GPT2: variants seen among roughly 807,000 people sequenced by gnomAD.
The protein encoded by GPT2 is glutamic--pyruvic transaminase 2, also known as alanine aminotransferase 2.
In GPT2, 30 loss-of-function variants were observed where a neutral mutation model predicts 56.9. That is an observed-to-expected ratio of 0.53 (90% CI 0.39 to 0.72). The LOEUF is 0.72. Ranked by LOEUF, GPT2 falls within the 30% of genes least tolerant of loss-of-function variation. GPT2 has a pLI of 0.00. For synonymous variants in GPT2, 271 were observed against 283.1 expected (o/e 0.96, Z 0.43); for missense variants, 542 against 703.4 (o/e 0.77, Z 2.60).
chr16:46,903,856 G>A (rs1207331161), intron 4 of GPT2, among the ~76,000 whole-genome samples: 11 of 152,288 alleles, frequency 7.2e-5, no homozygotes, highest in Non-Finnish European at 1.0e-4. Context: ...GAATATATAC[G>A]AATGTGTAAT....
chr16:46,923,836 T>C, intron 9 of GPT2: 1 of 202,582 alleles, frequency 4.9e-6, no homozygotes, highest in South Asian at 9.5e-5. Flanking sequence ...TGCAGAAGAA[T>C]GGGCATGTGT....
Position 46,897,699 on chromosome 16 carries a change from CAG to C in GPT2, c.296_297del (p.Gln99ArgfsTer33). On this transcript the variant is annotated frameshift_variant, in exon 3 of 12. Coordinates refer to ENST00000340124, the MANE Select transcript of GPT2 (RefSeq NM_133443.4). LOFTEE classifies it high-confidence loss of function. ...CATCCGAGCCAACATCGGGGACGCC[CAG>C]GCTATGGGGCAGCAGCCAATCACCT... ...EVIRANIGDA[Q>X]AMGQQPITFL... The C allele has an allele frequency of 6.2e-7, 1 of 1,614,142 alleles. No homozygotes were observed. The highest frequency in any genetic ancestry group is 8.5e-7 in the Non-Finnish European group (1 of 1,179,976).
intron 2 of GPT2, among the ~76,000 whole-genome samples, chr16:46,894,363 C>G (rs1019545641): frequency 6.6e-6 from 1 of 152,222 alleles, no homozygotes; most frequent in Non-Finnish European, 1.5e-5. Flanking sequence ...GTATCCACAT[C>G]CCAGAAATCA....
intron 4 of GPT2, 89 bp from the exon 5 acceptor site, chr16:46,906,753 C>T (rs1960938135): frequency 1.3e-6 from 2 of 1,537,718 alleles, no homozygotes; most frequent in Non-Finnish European, 1.8e-6. Context: ...CCCAAACAGG[C>T]ATCCCTCTAA....
At chr16:46,917,860 G>A (rs1400413553) in intron 7 of GPT2, among the ~76,000 whole-genome samples, 1 of 152,156 alleles carries the variant, frequency 6.6e-6, no homozygotes, top group Non-Finnish European at 1.5e-5. Context: ...GAGAGAAAGG[G>A]CAGCAGAGAG....
At position 46,908,318 on chromosome 16, in the gene GPT2, C is replaced by T. The variant is rs141937527; in HGVS notation, c.576+1343C>T. Among the ~76,000 whole-genome samples the T allele has an allele frequency of 9.1e-3, 1,373 of 151,186 alleles. 12 individuals carry two copies. The highest frequency in any genetic ancestry group is 0.015 in the Non-Finnish European group (987 of 67,758). ...TGGGGGACTGGTGGGGCCTGCAGTC[C>T]TGAGCTTGGGAGACTGATGGAGCCT... On this transcript the variant is annotated intron_variant, in intron 5 of 11. Transcript: ENST00000340124.
intron 6 of GPT2, chr16:46,916,388 C>A: frequency 2.2e-6 from 1 of 445,706 alleles, no homozygotes; most frequent in Non-Finnish European, 4.1e-6. Context: ...AGGTGAGAAC[C>A]CCTTCTCCCT....
intron 5 of GPT2, among the ~76,000 whole-genome samples, chr16:46,909,185 G>A (rs889464884): frequency 6.6e-6 from 1 of 152,150 alleles, no homozygotes; most frequent in Non-Finnish European, 1.5e-5. Flanking sequence ...CTGACATAGG[G>A]AATCAGGATT....
At chr16:46,886,986 G>T (rs2143318320) in intron 2 of GPT2, among the ~76,000 whole-genome samples, 1 of 152,316 alleles carries the variant, frequency 6.6e-6, no homozygotes, top group South Asian at 2.1e-4. Context: ...GTGCTGGCCA[G>T]ACCAGCTTAG....
chr16:46,898,971 CACACATATATATATATATATA>C (rs1314693156), intron 3 of GPT2, among the ~76,000 whole-genome samples: 1 of 9,620 alleles, frequency 1.0e-4, no homozygotes, highest in African/African-American at 2.0e-4. Flanking sequence ...TATATACACA[CACACATATATATATATATATA>C]ACACACATAT....
rs1463033457 is a variant in GPT2, at chr16:46,929,804, TC to T, written c.*809del. The T allele has an allele frequency of 1.3e-5, 2 of 152,470 alleles. No homozygotes were observed. The highest frequency in any genetic ancestry group is 1.9e-4 in the East Asian group (1 of 5,186). 9.4% of individuals were successfully genotyped at this position (152,470 alleles called of 1,614,324 possible). A position where few individuals can be genotyped will look rare whatever the true frequency, so the allele number is the denominator to read the frequency against. On this transcript the variant is annotated 3_prime_UTR_variant, in exon 12 of 12. Coordinates refer to ENST00000340124, the MANE Select transcript of GPT2 (RefSeq NM_133443.4). ...TAGTGCAGCCCGGCAGTGTCCCACTTCCGTGGAGAGAGCCGCTGGAATGGTG... is the reference window on the plus strand; with the variant it reads ...TAGTGCAGCCCGGCAGTGTCCCACTTCGTGGAGAGAGCCGCTGGAATGGTG...
intron 6 of GPT2, chr16:46,915,733 CCACACA>C (rs1000084863): frequency 6.7e-6 from 1 of 148,516 alleles, no homozygotes; most frequent in Non-Finnish European, 1.5e-5. Context: ...CCCACCACAC[CCACACA>C]CACACTACAG....
chr16:46,928,081 C>T (rs565140147), intron 11 of GPT2, among the ~76,000 whole-genome samples: 42 of 152,218 alleles, frequency 2.8e-4, no homozygotes, highest in Admixed American at 2.6e-3. Context: ...GGCTCACACG[C>T]TTTGGGAGGC....
At position 46,918,697 on chromosome 16, in the gene GPT2, A is replaced by C. The variant is rs759745264; in HGVS notation, c.977A>C (p.Glu326Ala). 1 of 1,614,196 alleles carries C rather than the reference A, an allele frequency of 6.2e-7. No homozygotes were observed. ...AAGGTGCTGTACGAGATGGGGCCCGAGTACTCCAGCAACGTGGAGCTCGCC... is the reference window on the plus strand; with the variant it reads ...AAGGTGCTGTACGAGATGGGGCCCGCGTACTCCAGCAACGTGGAGCTCGCC... ...FKKVLYEMGPEYSSNVELASF... is the reference protein window; with the variant it reads ...FKKVLYEMGPAYSSNVELASF... Residue 326 changes from glutamate to alanine, a missense_variant, in exon 8 of 12, where the codon GAG becomes GCG. Transcript: ENST00000340124.
intron 5 of GPT2, among the ~76,000 whole-genome samples, chr16:46,908,383 TG>T (rs11331642): frequency 0.17 from 25,577 of 151,814 alleles, 2,780 homozygotes; most frequent in African/African-American, 0.31. Flanking sequence ...TCTGCAGTCC[TG>T]GGGTGGGGGG....
intron 4 of GPT2, among the ~76,000 whole-genome samples, chr16:46,906,516 T>C (rs1392794043): frequency 6.6e-6 from 1 of 152,126 alleles, no homozygotes; most frequent in Non-Finnish European, 1.5e-5. Flanking sequence ...GGAACAGTTG[T>C]GGACACCATT....
chr16:46,922,649 C>G (rs1961315297), intron 9 of GPT2, among the ~76,000 whole-genome samples: 1 of 152,178 alleles, frequency 6.6e-6, no homozygotes, highest in African/African-American at 2.4e-5. Context: ...GCAGGTGAAC[C>G]CTTCCTCTTC....
intron 8 of GPT2, among the ~76,000 whole-genome samples, chr16:46,922,003 G>T (rs1005933025): frequency 6.6e-6 from 1 of 152,194 alleles, no homozygotes; most frequent in Non-Finnish European, 1.5e-5. Context: ...AGGCTGCAGT[G>T]AGCTATGATC....
At chr16:46,927,560 G>C (rs1961443263) in intron 11 of GPT2, among the ~76,000 whole-genome samples, 2 of 152,318 alleles carry the variant, frequency 1.3e-5, no homozygotes, top group African/African-American at 4.8e-5. Context: ...CCAGAGCTGA[G>C]CTGGCTGGAG....
Sources: allele counts gnomAD v4.1 joint callset (sites outside exome capture counted in the v4.1 genomes callset), GRCh38; gene constraint gnomAD v4.1.1; transcripts MANE v1.5; gene names NCBI Gene and HGNC (gene_info 2026-07-23, HGNC 2026-07-21).